Variants in MICU1 observed in about 807,000 individuals in gnomAD.
The protein encoded by MICU1 is mitochondrial calcium uptake 1, also known as calcium uptake protein 1, mitochondrial.
In MICU1, 45 loss-of-function variants were observed where a neutral mutation model predicts 56.8. The ratio of observed to expected loss-of-function variants is 0.79; its 90% CI spans 0.62 to 1.02. The LOEUF (loss-of-function observed/expected upper bound fraction) is 1.02. Among genes scored for constraint, MICU1 ranks in the 50% least tolerant of loss-of-function variants. The probability of loss-of-function intolerance (pLI) is 0.00; values close to 1 mark genes in which losing one functional copy is unlikely to be tolerated. For synonymous variants in MICU1, 186 were observed against 195.1 expected, an observed-to-expected ratio of 0.95 and a Z score of 0.39; for missense variants, 504 against 587.1, an observed-to-expected ratio of 0.86 and a Z score of 1.46.
Position 72,512,097 on chromosome 10 carries a change from G to GTTTTTTTTTTTT in MICU1, c.538-3829_538-3828insAAAAAAAAAAAA, listed in dbSNP as rs1867471926. Among the ~76,000 whole-genome samples the GTTTTTTTTTTTT allele has an allele frequency of 4.0e-5, 4 of 100,690 alleles. 1 individual carries two copies. Among genetic ancestry groups the GTTTTTTTTTTTT allele is most frequent in the African/African-American group, 1.7e-4 (4 of 24,056 alleles). 66.1% of individuals were successfully genotyped at this position (100,690 alleles called of 152,430 possible). A position where few individuals can be genotyped will look rare whatever the true frequency, so the allele number is the denominator to read the frequency against. ...CTTATCAATCTGGCATCCATACACA[G>GTTTTTTTTTTTT]TTGTTTTTTGTTTTTTTTTTTTTTT... On this transcript the variant is annotated intron_variant, in intron 5 of 11. Coordinates refer to ENST00000361114, the MANE Select transcript of MICU1 (RefSeq NM_001195518.2).
At chr10:72,559,565 C>A (rs1056511173) in intron 3 of MICU1, among the ~76,000 whole-genome samples, 1 of 152,010 alleles carries the variant, frequency 6.6e-6, no homozygotes, top group Non-Finnish European at 1.5e-5. Context: ...GTGGCTCATG[C>A]CTGTAATCCT....
chr10:72,431,094 G>GTCTGCCTA, intron 8 of MICU1, among the ~76,000 whole-genome samples: 1 of 141,432 alleles, frequency 7.1e-6, no homozygotes, highest in East Asian at 2.1e-4. Context: ...TTATCTGTCT[G>GTCTGCCTA]TCTATCTATC....
chr10:72,401,912 C>G (rs572188108), intron 10 of MICU1, among the ~76,000 whole-genome samples: 1 of 152,120 alleles, frequency 6.6e-6, no homozygotes, highest in Non-Finnish European at 1.5e-5. Flanking sequence ...CTACTTTCTG[C>G]TTCTATGAGT....
chr10:72,499,409 T>A (rs573645762), intron 6 of MICU1, among the ~76,000 whole-genome samples: 46 of 152,312 alleles, frequency 3.0e-4, no homozygotes, highest in African/African-American at 9.6e-4. Flanking sequence ...AGCTGCATTA[T>A]CATAAAACCA....
rs1385960580 is a variant in MICU1 at position 72,569,707 on chromosome 10, C to A, written c.-1-2913G>T. 5.9e-5 allele frequency among the ~76,000 whole-genome samples: 9 copies of A among 152,022 alleles called. No individual in the cohort carries two copies. In the South Asian group the frequency reaches 1.9e-3, roughly 32 times the overall value. ...AGAAATGTTGAGACACCCCCAAAAC[C>A]ATAGGATCATTTCGGGCACCTCCAT... is the stretch of plus-strand genomic sequence containing the variant. On this transcript the variant is annotated intron_variant, in intron 1 of 11. Transcript: ENST00000361114.
chr10:72,557,286 C>T (rs1427262009), intron 3 of MICU1, among the ~76,000 whole-genome samples: 1 of 152,176 alleles, frequency 6.6e-6, no homozygotes, highest in Admixed American at 6.5e-5. Flanking sequence ...AAGTTCAAGG[C>T]AGCCAACATA....
chr10:72,582,605 GT>G (rs1280984364), intron 1 of MICU1, among the ~76,000 whole-genome samples: 1 of 151,922 alleles, frequency 6.6e-6, no homozygotes, highest in Non-Finnish European at 1.5e-5. Flanking sequence ...AAAAAATTTA[GT>G]TTTTTAAAAT....
At chr10:72,502,907 GT>G in intron 6 of MICU1, 1 of 179,570 alleles carries the variant, frequency 5.6e-6, no homozygotes, top group Non-Finnish European at 1.2e-5. Flanking sequence ...CTATAGGAGA[GT>G]TTATGACCAG....
chr10:72,614,066 C>T (rs963745315), intron 1 of MICU1, among the ~76,000 whole-genome samples: 1 of 152,092 alleles, frequency 6.6e-6, no homozygotes, highest in Non-Finnish European at 1.5e-5. Context: ...ATTGCTTGAA[C>T]CAGGAGGCAG....
At chr10:72,472,718 G>C (rs1477424553) in intron 8 of MICU1, among the ~76,000 whole-genome samples, 3 of 152,226 alleles carry the variant, frequency 2.0e-5, no homozygotes, top group African/African-American at 7.2e-5. Context: ...GAGACTTTAA[G>C]TGAAACAATG....
intron 8 of MICU1, among the ~76,000 whole-genome samples, chr10:72,458,879 AT>A (rs538552469): frequency 0.12 from 15,441 of 126,318 alleles, 1,510 homozygotes; most frequent in African/African-American, 0.32. Flanking sequence ...CCCAGCTACC[AT>A]TTTTTTTTTT....
intron 10 of MICU1, among the ~76,000 whole-genome samples, chr10:72,403,690 C>T (rs1283821018): frequency 6.8e-6 from 1 of 146,772 alleles, no homozygotes; most frequent in East Asian, 2.0e-4. Flanking sequence ...GAGTCTCGCT[C>T]TGTTGCCCAG....
Position 72,569,237 on chromosome 10 carries a change from A to ATTTTTTTT in MICU1, c.-1-2451_-1-2444dup, listed in dbSNP as rs1178823534. On this transcript the variant is annotated intron_variant, in intron 1 of 11. Transcript: ENST00000361114. ...TATATATATATATATATATATATAT[A>ATTTTTTTT]TTTTTTTTTTTTTTTGAGATGGCGT... Among the ~76,000 whole-genome samples the ATTTTTTTT allele has an allele frequency of 7.5e-3, 256 of 34,352 alleles. 18 individuals carry two copies. Among genetic ancestry groups the ATTTTTTTT allele is most frequent in the Non-Finnish European group, 1.0e-2 (195 of 19,560 alleles). 22.5% of individuals were successfully genotyped at this position (34,352 alleles called of 152,430 possible).
At chr10:72,500,531 A>T (rs962279377) in intron 6 of MICU1, among the ~76,000 whole-genome samples, 1 of 151,640 alleles carries the variant, frequency 6.6e-6, no homozygotes, top group Non-Finnish European at 1.5e-5. Context: ...CATGTTGGCC[A>T]GGCTGGTCTC....
intron 5 of MICU1, among the ~76,000 whole-genome samples, chr10:72,520,779 C>T (rs543323394): frequency 3.7e-4 from 56 of 152,034 alleles, no homozygotes; most frequent in Non-Finnish European, 6.9e-4. Context: ...TTTTAAAAGT[C>T]TACTGGAATG....
intron 4 of MICU1, among the ~76,000 whole-genome samples, chr10:72,547,883 G>A (rs1400511384): frequency 6.6e-6 from 1 of 152,060 alleles, no homozygotes; most frequent in Non-Finnish European, 1.5e-5. Context: ...CCAATTCAAG[G>A]GTATGTTATT....
chr10:72,470,612 T>C (rs1016575033), intron 8 of MICU1, among the ~76,000 whole-genome samples: 5 of 152,150 alleles, frequency 3.3e-5, no homozygotes, highest in Admixed American at 3.3e-4. Context: ...AATGCATTTA[T>C]GATAGCAGAC....
intron 6 of MICU1, among the ~76,000 whole-genome samples, chr10:72,495,231 T>G (rs1328369011): frequency 2.2e-5 from 2 of 92,594 alleles, no homozygotes; most frequent in African/African-American, 7.2e-5. Flanking sequence ...ACTTCAGAGA[T>G]CTAAAAAAAA....
At chr10:72,441,359 A>T (rs2132182594) in intron 8 of MICU1, among the ~76,000 whole-genome samples, 1 of 145,094 alleles carries the variant, frequency 6.9e-6, no homozygotes, top group East Asian at 2.1e-4. Context: ...CTGAACAATG[A>T]GGTCACTTGA....
Sources: allele counts gnomAD v4.1 joint callset (sites outside exome capture counted in the v4.1 genomes callset), GRCh38; gene constraint gnomAD v4.1.1; transcripts MANE v1.5; gene names NCBI Gene and HGNC (gene_info 2026-07-23, HGNC 2026-07-21).